The following CADM1 variants were observed in gnomAD, a reference collection of about 807,000 sequenced individuals.
The protein encoded by CADM1 is TSLC-1.
CADM1 carries 15 observed loss-of-function variants against 53.1 expected under a neutral mutation model. The observed-to-expected ratio is 0.28, with a 90% confidence interval of 0.19 to 0.44. The LOEUF is 0.44. Among genes scored for constraint, CADM1 ranks in the 20% least tolerant of loss-of-function variants. CADM1 has a pLI of 1.00. For synonymous variants in CADM1, 281 were observed against 243.0 expected (o/e 1.16, Z -1.45); for missense variants, 434 against 611.3 (o/e 0.71, Z 3.06).
chr11:115,181,722 T>C (rs1240875924), intron 10 of CADM1, among the ~76,000 whole-genome samples: 1 of 152,192 alleles, frequency 6.6e-6, no homozygotes, highest in African/African-American at 2.4e-5. Flanking sequence ...AGCAGAGCTG[T>C]TTCTGGAGTC....
intron 10 of CADM1, among the ~76,000 whole-genome samples, chr11:115,187,358 T>C (rs1354861474): frequency 6.6e-6 from 1 of 152,182 alleles, no homozygotes; most frequent in Non-Finnish European, 1.5e-5. Context: ...AGGCCATATA[T>C]CCCCACCTCC....
intron 1 of CADM1, among the ~76,000 whole-genome samples, chr11:115,503,643 A>C (rs1215244094): frequency 3.3e-5 from 5 of 151,844 alleles, no homozygotes; most frequent in African/African-American, 4.8e-5. Flanking sequence ...GAGGGGGCGG[A>C]GGGCTGCGAA....
intron 9 of CADM1, among the ~76,000 whole-genome samples, chr11:115,194,665 G>A (rs900473833): frequency 6.6e-6 from 1 of 152,004 alleles, no homozygotes; most frequent in African/African-American, 2.4e-5. Context: ...GGGGAGAGAA[G>A]GGGCACAGAG....
intron 1 of CADM1, among the ~76,000 whole-genome samples, chr11:115,254,726 G>A (rs1221397396): frequency 1.3e-5 from 2 of 152,072 alleles, no homozygotes; most frequent in Non-Finnish European, 2.9e-5. Flanking sequence ...AAATCTGAAA[G>A]GAGGATCGTG....
chr11:115,196,290 G>A (rs1365920227), intron 9 of CADM1, among the ~76,000 whole-genome samples: 1 of 152,112 alleles, frequency 6.6e-6, no homozygotes, highest in Non-Finnish European at 1.5e-5. Context: ...CAGCCTGTAA[G>A]TTAACTTCTT....
At chr11:115,209,111 G>T (rs1940829904) in intron 8 of CADM1, among the ~76,000 whole-genome samples, 1 of 152,206 alleles carries the variant, frequency 6.6e-6, no homozygotes, top group African/African-American at 2.4e-5. Context: ...ACTCTCTGGA[G>T]CAGGAAGGAT....
At chr11:115,338,230 T>G (rs1167709351) in intron 1 of CADM1, among the ~76,000 whole-genome samples, 1 of 152,202 alleles carries the variant, frequency 6.6e-6, no homozygotes, top group East Asian at 1.9e-4. Flanking sequence ...ACTCATTTAA[T>G]ATTCACAAAA....
At chr11:115,378,471 G>T (rs983808604) in intron 1 of CADM1, among the ~76,000 whole-genome samples, 2 of 151,904 alleles carry the variant, frequency 1.3e-5, no homozygotes, top group Non-Finnish European at 2.9e-5. Context: ...AAAACTGCAC[G>T]GATACAGAGC....
chr11:115,383,511 A>G (rs1946627675), intron 1 of CADM1, among the ~76,000 whole-genome samples: 1 of 152,230 alleles, frequency 6.6e-6, no homozygotes, highest in Non-Finnish European at 1.5e-5. Context: ...TGTCATACTG[A>G]CATTCATTCC....
chr11:115,367,170 C>T (rs1015930761), intron 1 of CADM1, among the ~76,000 whole-genome samples: 2 of 152,210 alleles, frequency 1.3e-5, no homozygotes, highest in Admixed American at 6.5e-5. Flanking sequence ...GCTATGATTG[C>T]GCCTGTGAAT....
At chr11:115,260,464 C>T (rs1942938144) in intron 1 of CADM1, among the ~76,000 whole-genome samples, 1 of 152,200 alleles carries the variant, frequency 6.6e-6, no homozygotes, top group African/African-American at 2.4e-5. Context: ...GCCAGTGGGC[C>T]TCTCTATCTT....
intron 1 of CADM1, among the ~76,000 whole-genome samples, chr11:115,407,351 G>A (rs1313782279): frequency 6.6e-6 from 1 of 152,178 alleles, no homozygotes; most frequent in Non-Finnish European, 1.5e-5. Context: ...CTTTGAAGCT[G>A]AACCGCTGGA....
chr11:115,466,384 T>G (rs1948899037), intron 1 of CADM1, among the ~76,000 whole-genome samples: 1 of 152,190 alleles, frequency 6.6e-6, no homozygotes, highest in African/African-American at 2.4e-5. Flanking sequence ...ATCTGAAATC[T>G]CAGTAAAATA....
intron 1 of CADM1, among the ~76,000 whole-genome samples, chr11:115,281,051 T>C (rs377091593): frequency 2.0e-5 from 3 of 152,232 alleles, no homozygotes; most frequent in South Asian, 2.1e-4. Flanking sequence ...ATGTTAGCTA[T>C]AAATGGATTG....
chr11:115,371,507 AAGG>A (rs1473881727), intron 1 of CADM1, among the ~76,000 whole-genome samples: 2 of 152,178 alleles, frequency 1.3e-5, no homozygotes, highest in Non-Finnish European at 2.9e-5. Flanking sequence ...AAAAGAAGAA[AAGG>A]AGAACAAAGA....
chr11:115,181,544 A>C (rs1939311846), intron 10 of CADM1, among the ~76,000 whole-genome samples: 1 of 152,224 alleles, frequency 6.6e-6, no homozygotes, highest in Admixed American at 6.5e-5. Context: ...CAATTACTGC[A>C]GATGGACACA....
chr11:115,337,385 T>A (rs549451744), intron 1 of CADM1, among the ~76,000 whole-genome samples: 1 of 152,272 alleles, frequency 6.6e-6, no homozygotes, highest in Non-Finnish European at 1.5e-5. Context: ...TCCTATTAGT[T>A]CTCAACAGCA....
intron 1 of CADM1, among the ~76,000 whole-genome samples, chr11:115,346,838 T>C (rs1945592200): frequency 6.6e-6 from 1 of 152,170 alleles, no homozygotes; most frequent in Non-Finnish European, 1.5e-5. Context: ...AGAGTGACCA[T>C]TACTAGCAAC....
At chr11:115,231,321 A>C in intron 4 of CADM1, 32 bp downstream of exon 4, 1 of 1,613,074 alleles carries the variant, frequency 6.2e-7, no homozygotes, top group African/African-American at 1.3e-5. Flanking sequence ...GAATCAGCTA[A>C]CTACTTCAGT....
Sources: gnomAD v4.1 joint callset for allele counts (sites outside exome capture counted in the v4.1 genomes callset) on GRCh38, gnomAD v4.1.1 for gene constraint, MANE v1.5 for transcripts, NCBI Gene and HGNC (gene_info 2026-07-23, HGNC 2026-07-21) for gene names.